The following CDH1 variants were observed in gnomAD, a reference collection of about 807,000 sequenced individuals.
The protein encoded by CDH1 is cadherin 1, also known as cadherin-1.
A neutral mutation model predicts 84.5 loss-of-function variants in CDH1; 35 were observed. The ratio of observed to expected loss-of-function variants is 0.41; its 90% CI spans 0.32 to 0.55. The LOEUF (loss-of-function observed/expected upper bound fraction) is 0.55, where lower values mean the gene tolerates loss of function less well. Ranked by LOEUF, CDH1 falls within the 20% of genes least tolerant of loss-of-function variation. The pLI is 0.19. For synonymous variants in CDH1, 417 were observed against 439.0 expected, an observed-to-expected ratio of 0.95 and a Z score of 0.63; for missense variants, 994 against 1,126.6, an observed-to-expected ratio of 0.88 and a Z score of 1.68.
intron 9 of CDH1, 70 bp downstream of exon 9, chr16:68,813,565 A>G (rs1161876032): frequency 3.4e-6 from 5 of 1,465,634 alleles, no homozygotes; most frequent in South Asian, 1.1e-5. Flanking sequence ...GTCCCCTGGT[A>G]TCTTCTTAGA....
At chr16:68,785,216 G>C (rs1960011753) in intron 2 of CDH1, among the ~76,000 whole-genome samples, 1 of 151,866 alleles carries the variant, frequency 6.6e-6, no homozygotes, top group Non-Finnish European at 1.5e-5. Context: ...CTTTGAGATG[G>C]AGTCTTGCTC....
chr16:68,829,716 C>T lies in CDH1; in HGVS notation c.2358C>T (p.Asp786=), dbSNP rs760701558. Residue 786 remains aspartate (D), a synonymous_variant, in exon 15 of 16, where the codon GAC becomes GAT. Coordinates refer to ENST00000261769, the MANE Select transcript of CDH1 (RefSeq NM_004360.5). ...CTCGGCCTGAAGTGACTCGTAACGACGTTGCACCAACCCTCATGAGTGTCC... is the reference window on the plus strand; with the variant it reads ...CTCGGCCTGAAGTGACTCGTAACGATGTTGCACCAACCCTCATGAGTGTCC... ...LDARPEVTRN[D]VAPTLMSVPR... The T allele has an allele frequency of 7.4e-6, 12 of 1,614,084 alleles. No individual in the cohort carries two copies. Among genetic ancestry groups the T allele is most frequent in the Middle Eastern group, 1.6e-4 (1 of 6,062 alleles).
At chr16:68,738,839 C>T (rs533203488) in intron 2 of CDH1, among the ~76,000 whole-genome samples, 14 of 150,862 alleles carry the variant, frequency 9.3e-5, no homozygotes, top group African/African-American at 2.9e-4. Flanking sequence ...GAACTGGGAT[C>T]TGACTCCCAG....
intron 6 of CDH1, among the ~76,000 whole-genome samples, chr16:68,810,997 T>C (rs1463747571): frequency 6.6e-6 from 1 of 152,154 alleles, no homozygotes; most frequent in Non-Finnish European, 1.5e-5. Flanking sequence ...TGAGCTACTA[T>C]ACCTGGCTAA....
chr16:68,740,044 T>C (rs1962522281), intron 2 of CDH1, among the ~76,000 whole-genome samples: 1 of 152,224 alleles, frequency 6.6e-6, no homozygotes, highest in South Asian at 2.1e-4. Context: ...TTGACTGTTG[T>C]CCAGGGAGCA....
intron 2 of CDH1, among the ~76,000 whole-genome samples, chr16:68,758,207 C>CTTTTT (rs57413297): frequency 2.5e-5 from 1 of 40,048 alleles, no homozygotes; most frequent in African/African-American, 1.0e-4. Context: ...CTTTTTATTT[C>CTTTTT]TTTTTTTTTT....
At position 68,752,293 on chromosome 16, in the gene CDH1, C is replaced by T. The variant is rs554150528; in HGVS notation, c.163+13882C>T. ...GATAGTAAACCCTGCCCTCAGCCCTCCCCACCTCTTTTACTTAATTTTCTT... is the reference window on the plus strand; with the variant it reads ...GATAGTAAACCCTGCCCTCAGCCCTTCCCACCTCTTTTACTTAATTTTCTT... On this transcript the variant is annotated intron_variant, in intron 2 of 15. Coordinates refer to ENST00000261769, the MANE Select transcript of CDH1 (RefSeq NM_004360.5). Among the ~76,000 whole-genome samples the T allele has an allele frequency of 3.3e-5, 5 of 152,298 alleles. No homozygotes were observed. The South Asian group carries it at 1.0e-3, about 32-fold the overall frequency.
chr16:68,812,325 T>G, intron 8 of CDH1, 62 bp downstream of exon 8: 1 of 1,543,338 alleles, frequency 6.5e-7, no homozygotes, highest in Non-Finnish European at 9.0e-7. Context: ...ATGAACTAAG[T>G]GTCACCACTG....
chr16:68,747,608 A>G (rs1457501330), intron 2 of CDH1, among the ~76,000 whole-genome samples: 3 of 152,120 alleles, frequency 2.0e-5, no homozygotes, highest in Non-Finnish European at 4.4e-5. Context: ...TATCCTTTTC[A>G]GTGTTTCCTT....
intron 2 of CDH1, among the ~76,000 whole-genome samples, chr16:68,747,392 A>T (rs1962773284): frequency 6.6e-6 from 1 of 152,144 alleles, no homozygotes; most frequent in Non-Finnish European, 1.5e-5. Context: ...GCCGTGGGTC[A>T]TGGAGGGTTT....
rs142509902 is a variant in CDH1, at chr16:68,752,605, A to T, written c.163+14194A>T. ...ACTGTAGTTGTTTTTTTCTTTTTTT[A>T]AAGACAGGGCTTTATGTATTAGCCA... On this transcript the variant is annotated intron_variant, in intron 2 of 15. Coordinates refer to ENST00000261769, the MANE Select transcript of CDH1 (RefSeq NM_004360.5). Among the ~76,000 whole-genome samples the T allele has an allele frequency of 3.4e-3, 512 of 151,986 alleles. 1 individual carries two copies. Among genetic ancestry groups the T allele is most frequent in the Non-Finnish European group, 5.6e-3 (379 of 67,946 alleles).
intron 5 of CDH1, 121 bp from the exon 6 acceptor site, chr16:68,810,076 G>A: frequency 1.0e-6 from 1 of 968,876 alleles, no homozygotes; most frequent in Non-Finnish European, 1.7e-6. Flanking sequence ...GTCACCCACT[G>A]GGGGTCTCAG....
chr16:68,780,345 A>C (rs1400935596), intron 2 of CDH1, among the ~76,000 whole-genome samples: 1 of 152,148 alleles, frequency 6.6e-6, no homozygotes, highest in East Asian at 1.9e-4. Flanking sequence ...TTTGTCACCC[A>C]GGTTGGAGTG....
At chr16:68,812,529 C>T (rs929877485) in intron 8 of CDH1, among the ~76,000 whole-genome samples, 2 of 152,186 alleles carry the variant, frequency 1.3e-5, no homozygotes, top group African/African-American at 4.8e-5. Context: ...ATTTTTATAG[C>T]AAATATTACC....
intron 2 of CDH1, among the ~76,000 whole-genome samples, chr16:68,776,632 A>G (rs1303949372): frequency 1.3e-5 from 2 of 152,134 alleles, no homozygotes; most frequent in East Asian, 3.8e-4. Flanking sequence ...GCTTTTTCAA[A>G]GTGCTGGGAT....
chr16:68,823,296 A>G, intron 12 of CDH1, 103 bp from the exon 13 acceptor site: 1 of 814,210 alleles, frequency 1.2e-6, no homozygotes, highest in South Asian at 1.4e-5. Context: ...TGCTCTCTTC[A>G]CTCGGCTTGC....
At chr16:68,788,573 T>C (rs1960127971) in intron 2 of CDH1, among the ~76,000 whole-genome samples, 1 of 152,242 alleles carries the variant, frequency 6.6e-6, no homozygotes, top group African/African-American at 2.4e-5. Context: ...TCTATGCTAC[T>C]GCGTTTTGTG....
In CDH1 at chr16:68,738,334, A is replaced by G. The variant is rs1555509761; in HGVS notation, c.86A>G (p.His29Arg). The G allele has an allele frequency of 6.5e-7, 1 of 1,550,294 alleles. No individual in the cohort carries two copies. The highest frequency in any genetic ancestry group is 1.2e-5 in the South Asian group (1 of 83,894). ...SWLCQEPEPC[H>R]PGFDAESYTF... ...CTCTGCCAGGAGCCGGAGCCCTGCCACCCTGGCTTTGACGCCGAGAGCTAC... is the reference window on the plus strand; with the variant it reads ...CTCTGCCAGGAGCCGGAGCCCTGCCGCCCTGGCTTTGACGCCGAGAGCTAC... The change falls in exon 2 of 16, where the codon CAC (histidine) becomes CGC (arginine). Residue 29 changes from histidine (H) to arginine (R), a missense_variant. His to Arg is a conservative substitution (Grantham distance 29). Transcript: ENST00000261769.
chr16:68,807,220 C>A lies in CDH1; in HGVS notation c.388-1204C>A, dbSNP rs2152129090. Among the ~76,000 whole-genome samples the A allele has an allele frequency of 2.6e-5, 4 of 152,234 alleles. 1 individual carries two copies. Among genetic ancestry groups the A allele is most frequent in the Admixed American group, 2.6e-4 (4 of 15,272 alleles). On this transcript the variant is annotated intron_variant, in intron 3 of 15. Coordinates refer to ENST00000261769, the MANE Select transcript of CDH1 (RefSeq NM_004360.5). ...TCAAAGGGTGTTTTTGGCTTCCATC[C>A]CAACAGCTTCTGTTAGAACAAATGG... is the stretch of plus-strand genomic sequence containing the variant.
Sources: gnomAD v4.1 joint callset for allele counts (sites outside exome capture counted in the v4.1 genomes callset) on GRCh38, gnomAD v4.1.1 for gene constraint, MANE v1.5 for transcripts, NCBI Gene and HGNC (gene_info 2026-07-23, HGNC 2026-07-21) for gene names.